HSD17B2: variants seen among roughly 807,000 people sequenced by gnomAD.
HSD17B2 encodes the protein hydroxysteroid 17-beta dehydrogenase 2.
HSD17B2 carries 32 observed loss-of-function variants against 26.9 expected under a neutral mutation model. The observed-to-expected ratio is 1.19, with a 90% CI of 0.90 to 1.60. The LOEUF (loss-of-function observed/expected upper bound fraction) is 1.60, where lower values mean the gene tolerates loss of function less well. Ranked by LOEUF, HSD17B2 falls within the 40% of genes most tolerant of loss-of-function variation. The pLI, the probability that HSD17B2 is intolerant of heterozygous loss-of-function variation, is 0.00. For synonymous variants in HSD17B2, 246 were observed against 186.7 expected, an observed-to-expected ratio of 1.32 and a Z score of -2.59; for missense variants, 613 against 468.6, an observed-to-expected ratio of 1.31 and a Z score of -2.85.
intron 3 of HSD17B2, among the ~76,000 whole-genome samples, chr16:82,072,529 C>G (rs1914720607): frequency 2.0e-5 from 3 of 152,134 alleles, no homozygotes; most frequent in South Asian, 2.1e-4. Flanking sequence ...TAACAGAGTA[C>G]TGCCTCCTCC....
In HSD17B2 at chr16:82,071,086, GA is replaced by G. The variant is rs1412850668; in HGVS notation, c.627del (p.Lys209AsnfsTer7). The G allele has an allele frequency of 1.2e-6, 2 of 1,614,176 alleles. No homozygotes were observed. Among genetic ancestry groups the G allele is most frequent in the Non-Finnish European group, 8.5e-7 (1 of 1,180,026 alleles). On this transcript the variant is annotated frameshift_variant, in exon 3 of 5. Coordinates refer to ENST00000199936, the MANE Select transcript of HSD17B2 (RefSeq NM_002153.3). LOFTEE classifies it high-confidence loss of function. Reference protein sequence around the residue: ...EVTKTFLPLLRKSKGRLVNVS... With the variant: ...EVTKTFLPLLXKSKGRLVNVS... Reference sequence around the variant, plus strand: ...ACAAAGACGTTTTTGCCTCTTCTTAGAAAATCCAAAGGGAGGCTGGTGAATG... The same window carrying G: ...ACAAAGACGTTTTTGCCTCTTCTTAGAAATCCAAAGGGAGGCTGGTGAATG...
chr16:82,070,819 A>T (rs1914679683), intron 2 of HSD17B2, 123 bp from the exon 3 acceptor site: 11 of 853,850 alleles, frequency 1.3e-5, no homozygotes, highest in Non-Finnish European at 1.8e-5. Context: ...CCAGTGGCAG[A>T]CTCTAATCCC....
chr16:82,035,726 G>T, intron 1 of HSD17B2, 37 bp downstream of exon 1: 1 of 1,596,166 alleles, frequency 6.3e-7, no homozygotes, highest in South Asian at 1.1e-5. Flanking sequence ...CTGAGGGTAT[G>T]ATCTGAAACT....
At chr16:82,052,618 G>T (rs1004860420) in intron 1 of HSD17B2, among the ~76,000 whole-genome samples, 3 of 152,190 alleles carry the variant, frequency 2.0e-5, no homozygotes, top group Non-Finnish European at 4.4e-5. Context: ...CCCACTAGGA[G>T]AGTAAATGAC....
At chr16:82,043,282 C>A (rs1913817190) in intron 1 of HSD17B2, among the ~76,000 whole-genome samples, 1 of 152,168 alleles carries the variant, frequency 6.6e-6, no homozygotes, top group South Asian at 2.1e-4. Flanking sequence ...TGGCCACATG[C>A]AAGGGGTCTC....
chr16:82,037,280 C>T (rs1913649174), intron 1 of HSD17B2, among the ~76,000 whole-genome samples: 1 of 152,214 alleles, frequency 6.6e-6, no homozygotes, highest in Non-Finnish European at 1.5e-5. Context: ...TTCAAGTTCT[C>T]TGTCATTTTT....
At chr16:82,097,374 C>CACACACAG (rs1451172740) in intron 4 of HSD17B2, 1 of 101,112 alleles carries the variant, frequency 9.9e-6, no homozygotes, top group Non-Finnish European at 2.5e-5. Flanking sequence ...CACACACACA[C>CACACACAG]ACAGACACAT....
intron 1 of HSD17B2, among the ~76,000 whole-genome samples, chr16:82,042,604 T>C (rs1314325011): frequency 6.6e-6 from 1 of 151,296 alleles, no homozygotes; most frequent in African/African-American, 2.4e-5. Flanking sequence ...TTCTTTCTTA[T>C]ATTATATTTT....
chr16:82,045,121 CAAAAAA>C (rs10565056), intron 1 of HSD17B2, among the ~76,000 whole-genome samples: 5 of 42,798 alleles, frequency 1.2e-4, no homozygotes, highest in South Asian at 2.0e-3. Flanking sequence ...AAACTCTGTC[CAAAAAA>C]AAAAAAAAAA....
intron 3 of HSD17B2, among the ~76,000 whole-genome samples, chr16:82,077,958 A>G (rs1012544613): frequency 2.0e-5 from 3 of 152,238 alleles, no homozygotes; most frequent in African/African-American, 7.2e-5. Context: ...ATAAGAAAAC[A>G]TTAGGGAAAC....
intron 1 of HSD17B2, among the ~76,000 whole-genome samples, chr16:82,056,775 G>A (rs1176381930): frequency 1.3e-5 from 2 of 152,174 alleles, no homozygotes; most frequent in East Asian, 3.8e-4. Flanking sequence ...GAATGTGTTA[G>A]ACAGGAAATA....
In HSD17B2 at chr16:82,092,435, C is replaced by T. The variant is rs191308241; in HGVS notation, c.802+1396C>T. The T allele has an allele frequency of 1.2e-4, 19 of 152,272 alleles. No homozygotes were observed. The East Asian group carries it at 3.1e-3, about 25-fold the overall frequency. 9.4% of individuals were successfully genotyped at this position (152,272 alleles called of 1,614,324 possible). The stretch of plus-strand genomic sequence containing the variant: ...GTAAAAAGTATGTCTAATAAAAGAC[C>T]ACAGACTGGGAGGTATTGCTAAATG... On this transcript the variant is annotated intron_variant, in intron 4 of 4. Transcript: ENST00000199936.
At chr16:82,050,335 C>G (rs1914069826) in intron 1 of HSD17B2, among the ~76,000 whole-genome samples, 1 of 151,932 alleles carries the variant, frequency 6.6e-6, no homozygotes, top group Non-Finnish European at 1.5e-5. Context: ...ATCTTCTCCC[C>G]TGCCCGCCCA....
chr16:82,096,958 G>C (rs552194770), intron 4 of HSD17B2: 1 of 150,800 alleles, frequency 6.6e-6, no homozygotes, highest in Non-Finnish European at 1.5e-5. Context: ...TGGTTACTGA[G>C]AAGTGGGCTG....
chr16:82,056,107 C>G (rs879711843), intron 1 of HSD17B2, among the ~76,000 whole-genome samples: 1 of 152,078 alleles, frequency 6.6e-6, no homozygotes, highest in African/African-American at 2.4e-5. Context: ...ATTTTGGAAG[C>G]GGCTGAGTGA....
chr16:82,057,045 A>C (rs1285591701), intron 1 of HSD17B2, among the ~76,000 whole-genome samples: 1 of 152,238 alleles, frequency 6.6e-6, no homozygotes, highest in East Asian at 1.9e-4. Flanking sequence ...AAAGTATAAA[A>C]TCAATATTCA....
In HSD17B2 at chr16:82,054,224, G is replaced by GA. The variant is rs998667911; in HGVS notation, c.266-13938dup. On this transcript the variant is annotated intron_variant, in intron 1 of 4. Coordinates refer to ENST00000199936, the MANE Select transcript of HSD17B2 (RefSeq NM_002153.3). ...CCACATATCGAAAAAAAAAAAAAAA[G>GA]AAAAAAAAGAAAGAAAAGCCATGCA... 1.3e-4 allele frequency among the ~76,000 whole-genome samples: 18 copies of GA among 136,824 alleles called. No homozygotes were observed. The East Asian group carries it at 2.5e-3, about 19-fold the overall frequency. 89.8% of individuals were successfully genotyped at this position (136,824 alleles called of 152,430 possible).
intron 3 of HSD17B2, among the ~76,000 whole-genome samples, chr16:82,086,073 C>T (rs1904519700): frequency 6.6e-6 from 1 of 151,966 alleles, no homozygotes; most frequent in South Asian, 2.1e-4. Context: ...TGGCAGTTCC[C>T]CAGTAAGTTA....
intron 1 of HSD17B2, among the ~76,000 whole-genome samples, chr16:82,054,041 T>C (rs1466880884): frequency 6.6e-6 from 1 of 152,164 alleles, no homozygotes; most frequent in Non-Finnish European, 1.5e-5. Context: ...GGTCTATCCA[T>C]GCCTTCAACA....
Sources: gnomAD v4.1 joint callset for allele counts (sites outside exome capture counted in the v4.1 genomes callset) on GRCh38, gnomAD v4.1.1 for gene constraint, MANE v1.5 for transcripts, NCBI Gene and HGNC (gene_info 2026-07-23, HGNC 2026-07-21) for gene names.